RBFOX1: variants seen among roughly 807,000 people sequenced by gnomAD.
The protein encoded by RBFOX1 is RNA binding fox-1 homolog 1.
A neutral mutation model predicts 57.7 loss-of-function variants in RBFOX1; 8 were observed. The observed-to-expected ratio is 0.14, with a 90% CI of 0.08 to 0.25. The LOEUF is 0.25. RBFOX1 is among the 10% of genes least tolerant of loss of function. The probability of loss-of-function intolerance (pLI) is 1.00; values close to 1 mark genes in which losing one functional copy is unlikely to be tolerated. For missense variants in RBFOX1, 611 were observed against 548.5 expected (o/e 1.11, Z -1.14); for synonymous variants, 326 against 222.4 (o/e 1.47, Z -4.15).
rs151071010 is a variant in RBFOX1 at position 5,771,955 on chromosome 16, C to T, written c.319-95348C>T. On this transcript the variant is annotated intron_variant, in intron 3 of 19. Transcript: ENST00000641259. Reference sequence around the variant, plus strand: ...TTGGGAGGTCGAGGGGGGTGGATCACGAGGTCAGGATTTTGAGACCAGCCT... The same window carrying T: ...TTGGGAGGTCGAGGGGGGTGGATCATGAGGTCAGGATTTTGAGACCAGCCT... Among the ~76,000 whole-genome samples the T allele has an allele frequency of 9.9e-5, 15 of 152,170 alleles. No individual in the cohort carries two copies. In the East Asian group the frequency reaches 1.2e-3, roughly 12 times the overall value.
chr16:5,705,972 G>A (rs1224829769), intron 3 of RBFOX1, among the ~76,000 whole-genome samples: 1 of 152,106 alleles, frequency 6.6e-6, no homozygotes, highest in African/African-American at 2.4e-5. Flanking sequence ...GTGCAGTGGT[G>A]TGCTCTCCAT....
chr16:5,589,349 G>A (rs1003510352), intron 2 of RBFOX1, among the ~76,000 whole-genome samples: 1 of 152,170 alleles, frequency 6.6e-6, no homozygotes, highest in Non-Finnish European at 1.5e-5. Flanking sequence ...CAACTTAGAT[G>A]GGCTGCTTTT....
At chr16:5,648,633 A>G (rs1251298468) in intron 3 of RBFOX1, among the ~76,000 whole-genome samples, 1 of 152,182 alleles carries the variant, frequency 6.6e-6, no homozygotes, top group East Asian at 1.9e-4. Context: ...ACACGTCAAG[A>G]GTTGACGCTG....
intron 4 of RBFOX1, among the ~76,000 whole-genome samples, chr16:7,466,955 C>G (rs1182245729): frequency 2.0e-5 from 3 of 152,164 alleles, no homozygotes; most frequent in Non-Finnish European, 2.9e-5. Context: ...CACATATTTA[C>G]AGAGCACCCA....
intron 1 of RBFOX1, among the ~76,000 whole-genome samples, chr16:6,226,382 A>AAAC (rs1555563420): frequency 6.6e-6 from 1 of 150,778 alleles, no homozygotes; most frequent in Non-Finnish European, 1.5e-5. Flanking sequence ...TCCAAAAAAA[A>AAAC]AAAAAAAAAC....
intron 4 of RBFOX1, among the ~76,000 whole-genome samples, chr16:7,208,164 C>G (rs1175702660): frequency 1.3e-5 from 2 of 152,118 alleles, no homozygotes; most frequent in South Asian, 2.1e-4. Context: ...AGGCAGGTAT[C>G]TTACTTGGGC....
chr16:5,965,808 G>C (rs1230594451), intron 4 of RBFOX1, among the ~76,000 whole-genome samples: 2 of 151,998 alleles, frequency 1.3e-5, no homozygotes, highest in African/African-American at 2.4e-5. Context: ...GGTTTCCCTT[G>C]GCCCTTCTTT....
chr16:5,614,572 C>T (rs1053099271), intron 3 of RBFOX1, among the ~76,000 whole-genome samples: 4 of 152,146 alleles, frequency 2.6e-5, no homozygotes, highest in Non-Finnish European at 5.9e-5. Context: ...TCATTGATTT[C>T]TTTTAAGGCT....
At chr16:5,717,794 C>G (rs1467205772) in intron 3 of RBFOX1, among the ~76,000 whole-genome samples, 5 of 152,170 alleles carry the variant, frequency 3.3e-5, no homozygotes, top group Admixed American at 6.5e-5. Context: ...CGGAGGGCCT[C>G]CCATGATCAG....
chr16:7,708,136 T>G (rs2083104707), intron 14 of RBFOX1, among the ~76,000 whole-genome samples: 2 of 152,084 alleles, frequency 1.3e-5, no homozygotes, highest in Admixed American at 6.5e-5. Context: ...CCCTGGAGTT[T>G]TGAACCAACC....
At chr16:6,980,275 G>A (rs2088373206) in intron 3 of RBFOX1, among the ~76,000 whole-genome samples, 1 of 152,182 alleles carries the variant, frequency 6.6e-6, no homozygotes, top group Admixed American at 6.6e-5. Flanking sequence ...AGGTGTGAGT[G>A]TGTGCGTTTA....
chr16:6,778,421 C>T (rs2079759628), intron 3 of RBFOX1, among the ~76,000 whole-genome samples: 1 of 152,184 alleles, frequency 6.6e-6, no homozygotes, highest in East Asian at 1.9e-4. Flanking sequence ...GTTTTAAAGC[C>T]AAGGCCAGAC....
intron 4 of RBFOX1, among the ~76,000 whole-genome samples, chr16:7,110,759 C>T (rs1027606471): frequency 6.6e-6 from 1 of 152,018 alleles, no homozygotes; most frequent in African/African-American, 2.4e-5. Flanking sequence ...AAATTGTGCA[C>T]GTAATATTAC....
At chr16:6,942,087 A>T (rs1256573785) in intron 3 of RBFOX1, among the ~76,000 whole-genome samples, 1 of 152,032 alleles carries the variant, frequency 6.6e-6, no homozygotes, top group Non-Finnish European at 1.5e-5. Flanking sequence ...ATAATAATAA[A>T]AATTAGCCAC....
In RBFOX1 at chr16:7,241,480, A is replaced by G. The variant is rs140678522; in HGVS notation, c.27+189382A>G. On this transcript the variant is annotated intron_variant, in intron 4 of 15. Transcript: ENST00000550418. Reference sequence around the variant, plus strand: ...CTTTGGTTCATTCAAGATGACTAAAATGTTTCTTGAAACAGGACATCTTGA... The same window carrying G: ...CTTTGGTTCATTCAAGATGACTAAAGTGTTTCTTGAAACAGGACATCTTGA... Among the ~76,000 whole-genome samples the G allele has an allele frequency of 4.5e-4, 68 of 152,292 alleles. No individual in the cohort carries two copies. In the East Asian group the frequency reaches 0.012, roughly 26 times the overall value.
chr16:5,999,947 A>G (rs1288892961), intron 4 of RBFOX1, among the ~76,000 whole-genome samples: 1 of 148,522 alleles, frequency 6.7e-6, no homozygotes, highest in Non-Finnish European at 1.5e-5. Context: ...GAAAGCAAGC[A>G]TATATAAGGT....
rs1238857419 is a variant in RBFOX1, at chr16:6,619,500, C to A, written c.-63-35103C>A. Among the ~76,000 whole-genome samples, 4 of 152,126 alleles carry A rather than the reference C, an allele frequency of 2.6e-5. No individual in the cohort carries two copies. In the East Asian group the frequency reaches 7.7e-4, roughly 29 times the overall value. On this transcript the variant is annotated intron_variant, in intron 2 of 15. Coordinates refer to ENST00000550418, the MANE Select transcript of RBFOX1 (RefSeq NM_018723.4). ...CTTTTTTCTTCTCATTAAACTTATG[C>A]CTTTCTGCTTAGTTAGGAGAGGACT...
chr16:6,967,125 T>C (rs181418001), intron 3 of RBFOX1, among the ~76,000 whole-genome samples: 6 of 152,298 alleles, frequency 3.9e-5, no homozygotes, highest in South Asian at 2.1e-4. Context: ...CCATTACTTA[T>C]CTATTTAAAC....
intron 13 of RBFOX1, 58 bp from the exon 14 acceptor site, chr16:7,676,716 G>C: frequency 7.0e-7 from 1 of 1,437,784 alleles, no homozygotes; most frequent in African/African-American, 1.4e-5. Context: ...CTTGCCACTG[G>C]GCATCCCTGC....
Sources: gnomAD v4.1 joint callset for allele counts (sites outside exome capture counted in the v4.1 genomes callset) on GRCh38, gnomAD v4.1.1 for gene constraint, MANE v1.5 for transcripts, NCBI Gene and HGNC (gene_info 2026-07-23, HGNC 2026-07-21) for gene names.